USP22: variants seen among roughly 807,000 people sequenced by gnomAD.
USP22 encodes ubiquitin specific peptidase 22.
USP22 carries 22 observed loss-of-function variants against 68.1 expected under a neutral mutation model. The ratio of observed to expected loss-of-function variants is 0.32; its 90% CI spans 0.23 to 0.46. The LOEUF is 0.46. USP22 is among the 20% of genes least tolerant of loss of function. USP22 has a pLI of 1.00. For missense variants in USP22, 433 were observed against 695.8 expected (o/e 0.62, Z 4.25); for synonymous variants, 279 against 274.2 (o/e 1.02, Z -0.17).
intron 1 of USP22, among the ~76,000 whole-genome samples, chr17:21,039,014 C>T (rs551729600): frequency 1.1e-4 from 17 of 151,940 alleles, no homozygotes; most frequent in African/African-American, 3.9e-4. Flanking sequence ...TGCAGTGGTG[C>T]GATCTCGGCT....
At chr17:21,018,218 A>G in intron 4 of USP22, 107 bp from the exon 5 acceptor site, 3 of 1,091,880 alleles carry the variant, frequency 2.7e-6, no homozygotes, top group Non-Finnish European at 3.7e-6. Flanking sequence ...TCTTTTATTC[A>G]TTCATTCAAG....
intron 1 of USP22, among the ~76,000 whole-genome samples, chr17:21,031,034 GC>G (rs1972284147): frequency 1.3e-5 from 2 of 152,188 alleles, no homozygotes; most frequent in African/African-American, 4.8e-5. Context: ...AAACCAGTTA[GC>G]AAGAAGCTAA....
chr17:21,019,167 G>A lies in USP22; in HGVS notation c.437C>T (p.Ser146Leu). 6.2e-7 allele frequency: 1 copy of A among 1,614,142 alleles called. No homozygotes were observed. Among genetic ancestry groups the A allele is most frequent in the Non-Finnish European group, 8.5e-7 (1 of 1,179,986 alleles). The change falls in exon 4 of 13, where the codon TCA (serine) becomes TTA (leucine). Residue 146 changes from serine (S) to leucine (L), a missense_variant. Ser to Leu is a moderately radical substitution (Grantham distance 145, BLOSUM62 -2). This residue lies in a region of USP22 where 144 missense variants were observed against 237.2 expected (regional missense o/e 0.61). Transcript: ENST00000261497. ...CTCCCGTTTGGTTGGTTCCCAAGTT[G>A]AAAACTTCTCTCCAACGCCTAAGCA... The part of the protein sequence containing the change: ...WKMQGVGEKF[S>L]TWEPTKRELE...
intron 6 of USP22, among the ~76,000 whole-genome samples, chr17:21,014,265 G>GGT (rs1176894955): frequency 9.2e-5 from 14 of 152,298 alleles, no homozygotes; most frequent in Admixed American, 7.2e-4. Flanking sequence ...GCACGTCAGA[G>GGT]GTCACATTTT....
At chr17:21,030,406 G>A (rs1031758015) in intron 1 of USP22, among the ~76,000 whole-genome samples, 16 of 152,056 alleles carry the variant, frequency 1.1e-4, no homozygotes, top group Admixed American at 9.2e-4. Context: ...ATGTATGTAT[G>A]TATGCATGCA....
intron 1 of USP22, among the ~76,000 whole-genome samples, chr17:21,032,501 T>G (rs1349511416): frequency 6.6e-6 from 1 of 152,220 alleles, no homozygotes; most frequent in Non-Finnish European, 1.5e-5. Flanking sequence ...GCAAACACTT[T>G]ATTTTGGACG....
At chr17:21,023,524 G>A (rs1972182255) in intron 2 of USP22, among the ~76,000 whole-genome samples, 1 of 151,450 alleles carries the variant, frequency 6.6e-6, no homozygotes, top group South Asian at 2.1e-4. Context: ...GTGTGTCTAA[G>A]GTCCCAGCTA....
Position 21,001,248 on chromosome 17 carries a change from G to C in USP22, c.*1783C>G, listed in dbSNP as rs1264840660. 1 of 152,192 alleles carries C rather than the reference G, an allele frequency of 6.6e-6. No individual in the cohort carries two copies. Among genetic ancestry groups the C allele is most frequent in the African/African-American group, 2.4e-5 (1 of 41,446 alleles). 9.4% of individuals were successfully genotyped at this position (152,192 alleles called of 1,614,324 possible). A position where few individuals can be genotyped will look rare whatever the true frequency, so the allele number is the denominator to read the frequency against. On this transcript the variant is annotated 3_prime_UTR_variant, in exon 13 of 13. Transcript: ENST00000261497. ...GAAAATGAACAGAGCACGTGGGCAA[G>C]AAACCGCATCCCTCAGGCTTCTGCC...
At chr17:21,004,003 G>A (rs534053863) in intron 12 of USP22, among the ~76,000 whole-genome samples, 199 bp downstream of exon 12, 1 of 152,224 alleles carries the variant, frequency 6.6e-6, no homozygotes, top group Admixed American at 6.5e-5. Flanking sequence ...TCCAGAGAGG[G>A]CCTTTGCTCA....
chr17:21,000,546 G>A lies in USP22; in HGVS notation c.*2485C>T, dbSNP rs1489735605. ...CTCAGAACAGCAGCCACCCCTGAAT[G>A]CAAGTGGAGACAGGAAGGGGACTAG... On this transcript the variant is annotated 3_prime_UTR_variant, in exon 13 of 13. Transcript: ENST00000261497. 1 of 152,270 alleles carries A rather than the reference G, an allele frequency of 6.6e-6. No homozygotes were observed. The highest frequency in any genetic ancestry group is 1.5e-5 in the Non-Finnish European group (1 of 68,070). 9.4% of individuals were successfully genotyped at this position (152,270 alleles called of 1,614,324 possible).
chr17:21,011,772 G>C (rs1243777992), intron 7 of USP22, among the ~76,000 whole-genome samples: 1 of 152,150 alleles, frequency 6.6e-6, no homozygotes, highest in Non-Finnish European at 1.5e-5. Flanking sequence ...CATTTCACAA[G>C]GCCAGTTCCT....
chr17:21,018,162 G>A lies in USP22; in HGVS notation c.521-51C>T, dbSNP rs201175226. ...GAGTTACCTGTGTGCTGAACCACAG[G>A]TGTCGCTGGATCCCAGCGGCTTCCT... On this transcript the variant is annotated intron_variant, in intron 4 of 12. Transcript: ENST00000261497. The A allele has an allele frequency of 2.1e-5, 32 of 1,497,928 alleles. No homozygotes were observed. The East Asian group carries it at 7.1e-4, about 33-fold the overall frequency. The allele number at this position is 1,497,928 out of a possible 1,614,324, so 92.8% of individuals were successfully genotyped here.
chr17:21,007,117 C>A, intron 9 of USP22, 130 bp from the exon 10 acceptor site: 1 of 727,714 alleles, frequency 1.4e-6, no homozygotes, highest in Non-Finnish European at 2.2e-6. Context: ...TGCCTTGTAG[C>A]TACATCTAGA....
intron 7 of USP22, among the ~76,000 whole-genome samples, chr17:21,012,284 A>T (rs1913994242): frequency 6.6e-6 from 1 of 151,992 alleles, no homozygotes; most frequent in Non-Finnish European, 1.5e-5. Context: ...AAAAACAAAA[A>T]ACCTGTAGCA....
chr17:21,042,347 GGC>G (rs1444966644), intron 1 of USP22: 26 of 172,922 alleles, frequency 1.5e-4, no homozygotes, highest in African/African-American at 7.1e-4. Context: ...GGAGGGGGAG[GGC>G]GGAGAGAAAG....
At chr17:21,010,659 G>A (rs1913934386) in intron 8 of USP22, among the ~76,000 whole-genome samples, 1 of 126,492 alleles carries the variant, frequency 7.9e-6, no homozygotes, top group Admixed American at 8.1e-5. Context: ...GCACAACTCT[G>A]TCTCAAAAAA....
At chr17:21,029,466 CAGG>C (rs1972262768) in intron 1 of USP22, among the ~76,000 whole-genome samples, 2 of 152,194 alleles carry the variant, frequency 1.3e-5, no homozygotes, top group African/African-American at 4.8e-5. Context: ...GTCTTCTTCG[CAGG>C]AGAATTCCAT....
intron 8 of USP22, 24 bp from the exon 9 acceptor site, chr17:21,008,020 G>A (rs977671099): frequency 1.2e-6 from 2 of 1,612,304 alleles, no homozygotes; most frequent in African/African-American, 2.7e-5. Flanking sequence ...AAAAAGACAG[G>A]AGCGGTAAGG....
intron 2 of USP22, among the ~76,000 whole-genome samples, chr17:21,028,247 T>C (rs1972246535): frequency 6.6e-6 from 1 of 152,184 alleles, no homozygotes; most frequent in African/African-American, 2.4e-5. Flanking sequence ...CCTATGTGTT[T>C]CAAAGGGTCT....
Sources: allele counts gnomAD v4.1 joint callset (sites outside exome capture counted in the v4.1 genomes callset), GRCh38; gene constraint gnomAD v4.1.1; regional missense constraint gnomAD v4.1.1; transcripts MANE v1.5; gene names NCBI Gene and HGNC (gene_info 2026-07-23, HGNC 2026-07-21).